The following DOCK10 variants were observed in gnomAD, a reference collection of about 807,000 sequenced individuals.
DOCK10 encodes the protein dedicator of cytokinesis protein 10.
DOCK10 carries 145 observed loss-of-function variants against 280.1 expected under a neutral mutation model. That is an observed-to-expected ratio of 0.52 (90% CI 0.45 to 0.59). DOCK10 has a LOEUF of 0.59. Among genes scored for constraint, DOCK10 ranks in the 20% least tolerant of loss-of-function variants. The pLI is 0.00. For synonymous variants in DOCK10, 915 were observed against 942.2 expected, an observed-to-expected ratio of 0.97 and a Z score of 0.53; for missense variants, 2,368 against 2,651.7, an observed-to-expected ratio of 0.89 and a Z score of 2.35.
At chr2:224,848,936 T>C (rs1696540758) in intron 19 of DOCK10, among the ~76,000 whole-genome samples, 1 of 152,206 alleles carries the variant, frequency 6.6e-6, no homozygotes, top group African/African-American at 2.4e-5. Flanking sequence ...AGACAAGATA[T>C]ATCCCAGCAC....
intron 11 of DOCK10, 70 bp downstream of exon 11, chr2:224,873,926 G>T: frequency 6.7e-7 from 1 of 1,501,668 alleles, no homozygotes; most frequent in Non-Finnish European, 9.0e-7. Context: ...AGCAGGAATA[G>T]AAAAGATTTT....
In DOCK10 at chr2:224,987,197, T is replaced by C. The variant is rs144880087; in HGVS notation, c.123+55055A>G. ...TTGATTACAACAAAATGAGAAAAGGTGGGAAACTTTTTCAGCAAAGAGAAT... is the reference window on the plus strand; with the variant it reads ...TTGATTACAACAAAATGAGAAAAGGCGGGAAACTTTTTCAGCAAAGAGAAT... On this transcript the variant is annotated intron_variant, in intron 1 of 55. Transcript: ENST00000258390. 1.3e-4 allele frequency among the ~76,000 whole-genome samples: 20 copies of C among 151,992 alleles called. No individual in the cohort carries two copies. In the East Asian group the frequency reaches 3.9e-3, roughly 29 times the overall value.
At chr2:224,779,122 T>C (rs1018639691) in intron 50 of DOCK10, among the ~76,000 whole-genome samples, 1 of 152,200 alleles carries the variant, frequency 6.6e-6, no homozygotes, top group Non-Finnish European at 1.5e-5. Flanking sequence ...TTATAATTCC[T>C]TCTCTTTGAA....
intron 24 of DOCK10, among the ~76,000 whole-genome samples, chr2:224,839,077 C>T (rs1188821640): frequency 7.1e-6 from 1 of 140,362 alleles, no homozygotes; most frequent in Non-Finnish European, 1.5e-5. Context: ...CATGAATGTT[C>T]ATAGCACTTC....
At chr2:224,827,899 G>C (rs902390732) in intron 27 of DOCK10, among the ~76,000 whole-genome samples, 3 of 152,226 alleles carry the variant, frequency 2.0e-5, no homozygotes, top group African/African-American at 7.2e-5. Flanking sequence ...CTGGGGCCTA[G>C]AAGCATGGAT....
Position 224,770,314 on chromosome 2 carries a change from A to T in DOCK10, c.6341T>A (p.Val2114Glu), listed in dbSNP as rs770230430. ...GTCCTCTTTGATGAGGCGCTCATTC[A>T]CGTCAAGGGCCTGCCCACATGCATC... ...FADACGQALD[V>E]NERLIKEDQL... The change falls in exon 55 of 56, where the codon GTG becomes GAG. Residue 2114 changes from valine (V) to glutamate (E), a missense_variant. Transcript: ENST00000258390. The surrounding 1 kb of genome is among the most constrained non-coding windows in gnomAD (Gnocchi z 4.5). 4 of 1,607,470 alleles carry T rather than the reference A, an allele frequency of 2.5e-6. No homozygotes were observed. In the Admixed American group the frequency reaches 6.8e-5, roughly 27 times the overall value.
intron 7 of DOCK10, among the ~76,000 whole-genome samples, chr2:224,884,414 G>C (rs1699156968): frequency 6.6e-6 from 1 of 152,210 alleles, no homozygotes; most frequent in Non-Finnish European, 1.5e-5. Context: ...ACCAGAAATA[G>C]AGTCCTGGAC....
At chr2:224,977,989 A>C in intron 1 of DOCK10, among the ~76,000 whole-genome samples, 1 of 152,038 alleles carries the variant, frequency 6.6e-6, no homozygotes, top group East Asian at 1.9e-4. Flanking sequence ...TCCTTAACTC[A>C]CTCTTGGACA....
intron 1 of DOCK10, among the ~76,000 whole-genome samples, chr2:225,000,521 C>T (rs181213006): frequency 6.6e-6 from 1 of 152,260 alleles, no homozygotes; most frequent in East Asian, 1.9e-4. Context: ...TGGTGCCAAT[C>T]CTGTGAGAAG....
intron 31 of DOCK10, among the ~76,000 whole-genome samples, chr2:224,809,483 C>A (rs1487695033): frequency 6.6e-6 from 1 of 152,068 alleles, no homozygotes; most frequent in African/African-American, 2.4e-5. Context: ...ACAAGGAACT[C>A]ATACAACATA....
At chr2:224,797,696 G>T in intron 42 of DOCK10, 136 bp downstream of exon 42, 1 of 986,292 alleles carries the variant, frequency 1.0e-6, no homozygotes, top group Non-Finnish European at 1.5e-6. Context: ...AGGAATCAAT[G>T]TCTAATAAAA....
intron 3 of DOCK10, among the ~76,000 whole-genome samples, chr2:224,914,852 A>G (rs1476205951): frequency 6.6e-6 from 1 of 152,192 alleles, no homozygotes; most frequent in Admixed American, 6.5e-5. Flanking sequence ...TTACGCCTAC[A>G]CACCTAAGAA....
At chr2:224,937,772 C>T (rs1380126635) in intron 1 of DOCK10, among the ~76,000 whole-genome samples, 1 of 152,092 alleles carries the variant, frequency 6.6e-6, no homozygotes, top group Non-Finnish European at 1.5e-5. Flanking sequence ...TTTATACTTG[C>T]AGATCAAAAG....
intron 41 of DOCK10, among the ~76,000 whole-genome samples, chr2:224,799,662 A>T (rs1309574647): frequency 6.6e-6 from 1 of 152,236 alleles, no homozygotes; most frequent in Non-Finnish European, 1.5e-5. Context: ...TAGTTTCTCC[A>T]CACCCTTGCC....
In DOCK10 at chr2:224,937,800, G is replaced by T. The variant is rs146870813; in HGVS notation, c.124-6132C>A. On this transcript the variant is annotated intron_variant, in intron 1 of 55. Coordinates refer to ENST00000258390, the MANE Select transcript of DOCK10 (RefSeq NM_014689.3). ...ATCAAAAGAGAAGGATTAAATTTAG[G>T]ATTGGTTTAATATTAAACTCATTAG... Among the ~76,000 whole-genome samples the T allele has an allele frequency of 5.3e-3, 802 of 152,214 alleles. 8 individuals are homozygous for T. Among genetic ancestry groups the T allele is most frequent in the African/African-American group, 0.017 (689 of 41,522 alleles).
chr2:224,963,882 A>G (rs1364446331), intron 1 of DOCK10, among the ~76,000 whole-genome samples: 1 of 152,150 alleles, frequency 6.6e-6, no homozygotes, highest in Non-Finnish European at 1.5e-5. Flanking sequence ...TTCATTATCT[A>G]CATTTTACAT....
At chr2:224,866,273 T>C (rs1015436983) in intron 11 of DOCK10, among the ~76,000 whole-genome samples, 2 of 152,212 alleles carry the variant, frequency 1.3e-5, no homozygotes, top group Non-Finnish European at 2.9e-5. Flanking sequence ...GTACAGGACA[T>C]ATATTCTGAC....
At chr2:224,934,446 T>C (rs1017552160) in intron 1 of DOCK10, among the ~76,000 whole-genome samples, 1 of 152,230 alleles carries the variant, frequency 6.6e-6, no homozygotes, top group Non-Finnish European at 1.5e-5. Flanking sequence ...CATAATTTTG[T>C]GGACATAAAG....
intron 14 of DOCK10, chr2:224,861,365 G>A (rs747851312): frequency 6.6e-6 from 1 of 152,188 alleles, no homozygotes; most frequent in Non-Finnish European, 1.5e-5. Context: ...GAGACATGGA[G>A]AAGAAACTTG....
Sources: gnomAD v4.1 joint callset for allele counts (sites outside exome capture counted in the v4.1 genomes callset) on GRCh38, gnomAD v4.1.1 for gene constraint, Gnocchi (gnomAD v3.1) non-coding constraint, MANE v1.5 for transcripts, NCBI Gene and HGNC (gene_info 2026-07-23, HGNC 2026-07-21) for gene names.